Variants in CUX1 observed in about 807,000 individuals in gnomAD.
The protein encoded by CUX1 is cut like homeobox 1, also known as protein CASP.
In CUX1, 31 loss-of-function variants were observed where a neutral mutation model predicts 158.8. The ratio of observed to expected loss-of-function variants is 0.20; its 90% CI spans 0.15 to 0.26. The LOEUF is 0.26. CUX1 is among the 10% of genes least tolerant of loss of function. The probability of loss-of-function intolerance (pLI) is 1.00; values close to 1 mark genes in which losing one functional copy is unlikely to be tolerated. For missense variants in CUX1, 1,589 were observed against 2,014.6 expected, an observed-to-expected ratio of 0.79 and a Z score of 4.04; for synonymous variants, 879 against 862.1, an observed-to-expected ratio of 1.02 and a Z score of -0.34.
intron 10 of CUX1, among the ~76,000 whole-genome samples, chr7:102,176,300 C>T (rs1452309070): frequency 1.3e-5 from 2 of 152,162 alleles, no homozygotes; most frequent in African/African-American, 4.8e-5. Context: ...GATGGCCCAG[C>T]TGTACCTGCC....
At chr7:102,241,946 G>A (rs1418102587) in intron 23 of CUX1, among the ~76,000 whole-genome samples, 1 of 152,192 alleles carries the variant, frequency 6.6e-6, no homozygotes, top group Non-Finnish European at 1.5e-5. Flanking sequence ...CTCCAGTCTG[G>A]GTGATAGAGC....
chr7:102,159,043 T>C (rs2131579594), intron 9 of CUX1, among the ~76,000 whole-genome samples: 1 of 143,234 alleles, frequency 7.0e-6, no homozygotes, highest in South Asian at 2.5e-4. Context: ...CACGGTGTTA[T>C]CCTAGGAGAG....
At chr7:102,221,775 A>G (rs765562230) in intron 20 of CUX1, among the ~76,000 whole-genome samples, 4 of 150,656 alleles carry the variant, frequency 2.7e-5, no homozygotes, top group Admixed American at 6.6e-5. Flanking sequence ...ATTCACATAG[A>G]TGACTTTTTA....
At chr7:101,931,126 A>G (rs1362880649) in intron 2 of CUX1, among the ~76,000 whole-genome samples, 2 of 152,170 alleles carry the variant, frequency 1.3e-5, no homozygotes, top group East Asian at 3.8e-4. Context: ...ACATTTTGCA[A>G]CAAGAGACTC....
At chr7:101,984,105 T>A (rs1201390812) in intron 2 of CUX1, among the ~76,000 whole-genome samples, 1,761 of 33,646 alleles carry the variant, frequency 0.052, 192 homozygotes, top group Non-Finnish European at 0.092. Flanking sequence ...TATATATATA[T>A]ATATATATAT....
intron 1 of CUX1, among the ~76,000 whole-genome samples, chr7:101,895,891 G>GTTTTTTTTTTTT (rs66481506): frequency 8.9e-6 from 1 of 112,716 alleles, no homozygotes; most frequent in Non-Finnish European, 1.7e-5. Flanking sequence ...CACCTGTAAA[G>GTTTTTTTTTTTT]TTTTTTTTTT....
At chr7:102,038,215 C>T (rs1821672533) in intron 3 of CUX1, among the ~76,000 whole-genome samples, 1 of 152,194 alleles carries the variant, frequency 6.6e-6, no homozygotes, top group Non-Finnish European at 1.5e-5. Context: ...GTGATAGATT[C>T]AGACATCCAG....
At chr7:102,096,856 G>A (rs1829248965) in intron 4 of CUX1, among the ~76,000 whole-genome samples, 1 of 152,174 alleles carries the variant, frequency 6.6e-6, no homozygotes, top group Non-Finnish European at 1.5e-5. Flanking sequence ...CGAGATTGTT[G>A]TAAGGCTCAA....
chr7:102,181,154 T>A (rs1423178265), intron 11 of CUX1, among the ~76,000 whole-genome samples: 1 of 151,968 alleles, frequency 6.6e-6, no homozygotes, highest in Non-Finnish European at 1.5e-5. Context: ...TTGGTCAGGC[T>A]GGTCTCAAAT....
intron 2 of CUX1, among the ~76,000 whole-genome samples, chr7:101,928,660 G>A (rs139145782): frequency 1.5e-4 from 21 of 139,726 alleles, no homozygotes; most frequent in African/African-American, 3.5e-4. Flanking sequence ...CACCACACCC[G>A]GCCTCACAAA....
intron 11 of CUX1, among the ~76,000 whole-genome samples, chr7:102,182,058 T>C (rs1205164533): frequency 6.6e-6 from 1 of 152,208 alleles, no homozygotes; most frequent in African/African-American, 2.4e-5. Flanking sequence ...TTCCCCTCTT[T>C]CATGTCTTAC....
In CUX1 at chr7:101,916,056, C is replaced by A. The variant is rs1244001628; in HGVS notation, c.31-59C>A. ...TGTTCTGGTCAAATGCAAATAGGACCCTCCTCTAGTACACAGTGCAATTAC... is the reference window on the plus strand; with the variant it reads ...TGTTCTGGTCAAATGCAAATAGGACACTCCTCTAGTACACAGTGCAATTAC... On this transcript the variant is annotated intron_variant, in intron 1 of 23. Coordinates refer to ENST00000292535, the MANE Select transcript of CUX1 (RefSeq NM_181552.4). This position sits in a 1 kb window ranked among gnomAD's most constrained non-coding sequence, Gnocchi z 4.4. 1.7e-6 allele frequency: 2 copies of A among 1,208,406 alleles called. No individual in the cohort carries two copies. Among genetic ancestry groups the A allele is most frequent in the East Asian group, 4.7e-5 (2 of 42,412 alleles). The allele number at this position is 1,208,406 out of a possible 1,614,324, so 74.9% of individuals were successfully genotyped here. A position where few individuals can be genotyped will look rare whatever the true frequency, so the allele number is the denominator to read the frequency against.
intron 2 of CUX1, among the ~76,000 whole-genome samples, chr7:101,980,007 G>A (rs1813218046): frequency 6.6e-6 from 1 of 152,302 alleles, no homozygotes; most frequent in South Asian, 2.1e-4. Flanking sequence ...AGCGCTGTGA[G>A]TATGAGTACA....
chr7:101,879,918 T>G (rs1380398893), intron 1 of CUX1, among the ~76,000 whole-genome samples: 1 of 152,312 alleles, frequency 6.6e-6, no homozygotes, highest in East Asian at 1.9e-4. Context: ...TACCACCTCC[T>G]GACTTGTGGA....
At chr7:101,925,551 T>C (rs1805484547) in intron 2 of CUX1, among the ~76,000 whole-genome samples, 1 of 152,198 alleles carries the variant, frequency 6.6e-6, no homozygotes. Flanking sequence ...TGCACAACTT[T>C]GAATATGCCA....
chr7:101,945,278 C>T (rs551569957), intron 2 of CUX1, among the ~76,000 whole-genome samples: 8 of 152,256 alleles, frequency 5.3e-5, no homozygotes, highest in African/African-American at 1.9e-4. Flanking sequence ...CACTTGCTTT[C>T]GACACCTCCA....
intron 3 of CUX1, among the ~76,000 whole-genome samples, chr7:102,068,177 G>T (rs932348765): frequency 1.3e-5 from 2 of 151,668 alleles, no homozygotes; most frequent in Non-Finnish European, 2.9e-5. Context: ...CTGCAGCCTC[G>T]AACTGCTAGG....
chr7:101,850,421 C>CTTTTTTTTTTTTTT (rs545679696), intron 1 of CUX1, among the ~76,000 whole-genome samples: 1 of 104,660 alleles, frequency 9.6e-6, no homozygotes, highest in African/African-American at 4.0e-5. Context: ...TTCTTTCTTT[C>CTTTTTTTTTTTTTT]TTTTTTTTTT....
chr7:102,067,963 G>T (rs191115298), intron 3 of CUX1, among the ~76,000 whole-genome samples: 236 of 152,044 alleles, frequency 1.6e-3, no homozygotes, highest in African/African-American at 5.4e-3. Flanking sequence ...GGAGGCTGCA[G>T]TGAGCTGAGA....
Sources: gnomAD v4.1 joint callset for allele counts (sites outside exome capture counted in the v4.1 genomes callset) on GRCh38, gnomAD v4.1.1 for gene constraint, Gnocchi (gnomAD v3.1) non-coding constraint, MANE v1.5 for transcripts, NCBI Gene and HGNC (gene_info 2026-07-23, HGNC 2026-07-21) for gene names.